The following ATCAY variants were observed in gnomAD, a reference collection of about 807,000 sequenced individuals.
The protein encoded by ATCAY is caytaxin.
A neutral mutation model predicts 47.7 loss-of-function variants in ATCAY; 22 were observed. The ratio of observed to expected loss-of-function variants is 0.46; its 90% CI spans 0.33 to 0.66. The LOEUF is 0.66. Among genes scored for constraint, ATCAY ranks in the 30% least tolerant of loss-of-function variants. The pLI is 0.02. For missense variants in ATCAY, 452 were observed against 515.0 expected, an observed-to-expected ratio of 0.88 and a Z score of 1.18; for synonymous variants, 216 against 207.6, an observed-to-expected ratio of 1.04 and a Z score of -0.35.
chr19:3,891,543 G>A (rs1794998956), intron 2 of ATCAY, among the ~76,000 whole-genome samples: 1 of 151,928 alleles, frequency 6.6e-6, no homozygotes, highest in Admixed American at 6.6e-5. Context: ...CTTCTGACCA[G>A]GCCAGGGAGG....
intron 2 of ATCAY, chr19:3,895,116 A>C (rs1214828739): frequency 4.4e-6 from 2 of 455,788 alleles, no homozygotes; most frequent in Non-Finnish European, 8.8e-6. Context: ...CTTTATATAC[A>C]TGGTCTCAAG....
chr19:3,914,745 T>C lies in ATCAY; in HGVS notation c.965+889T>C, dbSNP rs542505240. 2.0e-3 allele frequency among the ~76,000 whole-genome samples: 300 copies of C among 150,836 alleles called. 3 individuals are homozygous for C. Among genetic ancestry groups the C allele is most frequent in the African/African-American group, 6.7e-3 (276 of 41,086 alleles). ...CTGAGGCAGGAGAATCGCTTGAACCTGGGAGGCAGAGGTTGTGGTGAGCCG... is the reference window on the plus strand; with the variant it reads ...CTGAGGCAGGAGAATCGCTTGAACCCGGGAGGCAGAGGTTGTGGTGAGCCG... On this transcript the variant is annotated intron_variant, in intron 9 of 12. Transcript: ENST00000450849.
intron 2 of ATCAY, among the ~76,000 whole-genome samples, chr19:3,886,771 T>G (rs2038660502): frequency 6.7e-6 from 1 of 148,554 alleles, no homozygotes; most frequent in East Asian, 2.1e-4. Context: ...TGGAGTGCAG[T>G]GGCACGATCT....
chr19:3,886,303 G>T (rs763267358), intron 2 of ATCAY, among the ~76,000 whole-genome samples: 1 of 151,558 alleles, frequency 6.6e-6, no homozygotes, highest in African/African-American at 2.4e-5. Context: ...ACAAAAATTA[G>T]CTGGGCATGC....
Position 3,921,327 on chromosome 19 carries a change from A to G in ATCAY, c.1106+529A>G, listed in dbSNP as rs111303990. ...GGAGTTCAAGACCAGCCTGGGCAAC[A>G]TGGCAAGACCCCGTCCCTAAAAAAA... On this transcript the variant is annotated intron_variant, in intron 12 of 12. Transcript: ENST00000450849. Among the ~76,000 whole-genome samples the G allele has an allele frequency of 1.5e-3, 229 of 151,526 alleles. 2 individuals are homozygous for G. Among genetic ancestry groups the G allele is most frequent in the African/African-American group, 5.5e-3 (226 of 41,324 alleles).
intron 2 of ATCAY, among the ~76,000 whole-genome samples, chr19:3,888,586 C>T (rs1484024716): frequency 2.0e-5 from 3 of 151,894 alleles, no homozygotes; most frequent in East Asian, 1.9e-4. Flanking sequence ...GCCGAGATCG[C>T]GCCACTGGAC....
chr19:3,903,293 G>A (rs1309684428), intron 3 of ATCAY, among the ~76,000 whole-genome samples: 4 of 151,762 alleles, frequency 2.6e-5, no homozygotes, highest in Non-Finnish European at 5.9e-5. Context: ...TTCAGCAGAG[G>A]AAAAAAATCA....
At chr19:3,917,617 AGAAGAAG>A in intron 9 of ATCAY, 118 bp from the exon 10 acceptor site, 2 of 830,172 alleles carry the variant, frequency 2.4e-6, no homozygotes, top group Admixed American at 2.9e-5. Flanking sequence ...AAAAGGAAGA[AGAAGAAG>A]AAGAAAAGAA....
chr19:3,889,825 C>A (rs1746975064), intron 2 of ATCAY, among the ~76,000 whole-genome samples: 1 of 152,038 alleles, frequency 6.6e-6, no homozygotes, highest in African/African-American at 2.4e-5. Context: ...GATAAAACAG[C>A]CGAGATGGGC....
intron 2 of ATCAY, among the ~76,000 whole-genome samples, chr19:3,892,361 C>T (rs755514984): frequency 1.3e-5 from 2 of 152,066 alleles, no homozygotes; most frequent in Non-Finnish European, 2.9e-5. Context: ...TGCCACCACA[C>T]CCAGCTATGT....
At chr19:3,917,345 G>A (rs1201135284) in intron 9 of ATCAY, among the ~76,000 whole-genome samples, 1 of 151,888 alleles carries the variant, frequency 6.6e-6, no homozygotes, top group African/African-American at 2.4e-5. Context: ...AGCACTTTGG[G>A]AGGCCGAGGT....
In ATCAY at chr19:3,907,588, G is replaced by A. The variant is rs2038873006; in HGVS notation, c.359-146G>A. 4.1e-6 allele frequency: 4 copies of A among 966,544 alleles called. No individual in the cohort carries two copies. The Admixed American group carries it at 1.1e-4, about 26-fold the overall frequency. 59.9% of individuals were successfully genotyped at this position (966,544 alleles called of 1,614,324 possible). On this transcript the variant is annotated intron_variant, in intron 4 of 12. Coordinates refer to ENST00000450849, the MANE Select transcript of ATCAY (RefSeq NM_033064.5). The surrounding 1 kb of genome is among the most constrained non-coding windows in gnomAD (Gnocchi z 5.1). ...AAAGGGGAGTAGGAGAGGAAAATGG[G>A]TCAGCAGGGCAGCCAGGTGGGGAGA...
chr19:3,905,897 G>A (rs2038856282), intron 4 of ATCAY, among the ~76,000 whole-genome samples: 1 of 151,962 alleles, frequency 6.6e-6, no homozygotes, highest in African/African-American at 2.4e-5. Flanking sequence ...AGGTGGCTGG[G>A]CGCAGTGGCT....
intron 2 of ATCAY, among the ~76,000 whole-genome samples, chr19:3,896,008 T>C (rs11671222): frequency 0.011 from 1,605 of 152,092 alleles, 39 homozygotes; most frequent in African/African-American, 0.036. Flanking sequence ...TGAGCCATCA[T>C]GCTGGGCTAA....
At chr19:3,885,588 G>A (rs1406513820) in intron 1 of ATCAY, 139 bp from the exon 2 acceptor site, 1 of 564,960 alleles carries the variant, frequency 1.8e-6, no homozygotes, top group African/African-American at 2.0e-5. Flanking sequence ...GGAGAGAGGA[G>A]AGGAGAAAGG....
Position 3,909,543 on chromosome 19 carries a change from G to A in ATCAY, c.705G>A (p.Leu235=). Residue 235 remains leucine, a synonymous_variant, in exon 7 of 13, where the codon CTG becomes CTA. Transcript: ENST00000450849. ...CTGAGGACTACATGATCGTGTACCT[G>A]AACGGTGCCACGCCCCGGCGGAGGA... The part of the protein sequence containing the change: ...LVAEDYMIVY[L]NGATPRRRMP... The A allele has an allele frequency of 6.2e-7, 1 of 1,613,858 alleles. No homozygotes were observed. Among genetic ancestry groups the A allele is most frequent in the Non-Finnish European group, 8.5e-7 (1 of 1,179,862 alleles).
chr19:3,892,205 A>ATT (rs559569115), intron 2 of ATCAY, among the ~76,000 whole-genome samples: 3 of 140,416 alleles, frequency 2.1e-5, no homozygotes, highest in Admixed American at 7.2e-5. Flanking sequence ...TAACTTTTTA[A>ATT]TTTTTTTTTT....
At chr19:3,911,087 A>G (rs2038919179) in intron 8 of ATCAY, among the ~76,000 whole-genome samples, 198 bp downstream of exon 8, 2 of 152,168 alleles carry the variant, frequency 1.3e-5, no homozygotes, top group Admixed American at 1.3e-4. Context: ...AACAGTTTTA[A>G]ATTGCACACA....
intron 2 of ATCAY, among the ~76,000 whole-genome samples, chr19:3,891,394 T>A (rs2038718207): frequency 6.6e-6 from 1 of 152,000 alleles, no homozygotes; most frequent in African/African-American, 2.4e-5. Context: ...TGCAGCCTAC[T>A]ACGGAGCTAG....
Sources: gnomAD v4.1 joint callset for allele counts (sites outside exome capture counted in the v4.1 genomes callset) on GRCh38, gnomAD v4.1.1 for gene constraint, Gnocchi (gnomAD v3.1) non-coding constraint, MANE v1.5 for transcripts, NCBI Gene and HGNC (gene_info 2026-07-23, HGNC 2026-07-21) for gene names.